The following SPIRE2 variants were observed in gnomAD, a reference collection of about 807,000 sequenced individuals.
SPIRE2 encodes the protein spire type actin nucleation factor 2, also known as protein spire homolog 2.
In SPIRE2, 76 loss-of-function variants were observed where a neutral mutation model predicts 80.7. The ratio of observed to expected loss-of-function variants is 0.94; its 90% CI spans 0.78 to 1.14. The LOEUF (loss-of-function observed/expected upper bound fraction) is 1.14. SPIRE2 is among the 50% of genes most tolerant of loss of function. SPIRE2 has a pLI of 0.00. For synonymous variants in SPIRE2, 535 were observed against 432.6 expected (o/e 1.24, Z -2.94); for missense variants, 1,196 against 1,015.3 (o/e 1.18, Z -2.42).
intron 1 of SPIRE2, among the ~76,000 whole-genome samples, chr16:89,836,621 T>C (rs757431796): frequency 2.3e-4 from 35 of 152,154 alleles, no homozygotes; most frequent in Non-Finnish European, 4.4e-4. Flanking sequence ...GAATCCGGAA[T>C]GTACATTCAC....
In SPIRE2 at chr16:89,859,195, C is replaced by G. The variant is rs557278576; in HGVS notation, c.1303C>G (p.Leu435Val). 1.3e-6 allele frequency: 2 copies of G among 1,597,032 alleles called. No homozygotes were observed. The highest frequency in any genetic ancestry group is 1.3e-5 in the African/African-American group (1 of 74,194). Reference protein sequence around the residue: ...EEESPCGEVTLKRDRSFSEHD... With the variant: ...EEESPCGEVTVKRDRSFSEHD... ...AGAGTCTCCGTGTGGGGAGGTGACG[C>G]TGAAACGGGACCGCTCCTTCTCAGA... The change falls in exon 9 of 15, where the codon CTG becomes GTG. Residue 435 changes from leucine to valine, a missense_variant. By Grantham distance (32) the Leu-to-Val change is conservative. Transcript: ENST00000378247.
At chr16:89,830,888 AC>A (rs2041373133) in intron 1 of SPIRE2, among the ~76,000 whole-genome samples, 1 of 149,176 alleles carries the variant, frequency 6.7e-6, no homozygotes, top group Non-Finnish European at 1.5e-5. Context: ...TACTCTGAAG[AC>A]TTTGTAACTG....
chr16:89,850,597 C>CGCGCTCT lies in SPIRE2; in HGVS notation c.583_589dup (p.Phe197CysfsTer135). The stretch of plus-strand genomic sequence containing the variant: ...AGGCGCATTACCAGGCCGTGTGCCG[C>CGCGCTCT]GCGCTCTTCGTGGAGACGCTGGAGC... On this transcript the variant is annotated frameshift_variant, in exon 3 of 15. Transcript: ENST00000378247. LOFTEE classifies it high-confidence loss of function. 6.6e-7 allele frequency: 1 copy of CGCGCTCT among 1,519,448 alleles called. No individual in the cohort carries two copies. The highest frequency in any genetic ancestry group is 8.8e-7 in the Non-Finnish European group (1 of 1,139,214). 94.1% of individuals were successfully genotyped at this position (1,519,448 alleles called of 1,614,324 possible). A position where few individuals can be genotyped will look rare whatever the true frequency, so the allele number is the denominator to read the frequency against.
chr16:89,840,721 C>T lies in SPIRE2; in HGVS notation c.245-4601C>T, dbSNP rs139592082. On this transcript the variant is annotated intron_variant, in intron 1 of 14. Transcript: ENST00000378247. ...CGCAATCTCGGCTCACTGCAAACTCCGCCTCCCAGGTTCACGCCATTCTCC... is the reference window on the plus strand; with the variant it reads ...CGCAATCTCGGCTCACTGCAAACTCTGCCTCCCAGGTTCACGCCATTCTCC... 4.6e-3 allele frequency among the ~76,000 whole-genome samples: 690 copies of T among 149,794 alleles called. 5 individuals are homozygous for T. The highest frequency in any genetic ancestry group is 0.016 in the African/African-American group (657 of 40,504).
chr16:89,837,429 C>T (rs373278597), intron 1 of SPIRE2, among the ~76,000 whole-genome samples: 2 of 152,276 alleles, frequency 1.3e-5, no homozygotes, highest in South Asian at 2.1e-4. Flanking sequence ...ATAGCATAGC[C>T]GCATCGTGAG....
intron 9 of SPIRE2, among the ~76,000 whole-genome samples, chr16:89,860,400 C>T (rs957795082): frequency 2.0e-5 from 3 of 152,062 alleles, no homozygotes; most frequent in African/African-American, 7.2e-5. Flanking sequence ...CTAGGACTAC[C>T]GACATGTTTC....
rs765122741 is a variant in SPIRE2 at position 89,868,259 on chromosome 16, G to A, written c.1806+43G>A. The A allele has an allele frequency of 2.3e-5, 37 of 1,606,096 alleles. 1 individual carries two copies. The East Asian group carries it at 7.8e-4, about 34-fold the overall frequency. ...TCTCTGGGGTCTGAGCAAGGCAGAT[G>A]AGGGGCTCCACTGGCTTTGATTGGA... On this transcript the variant is annotated intron_variant, in intron 13 of 14. Coordinates refer to ENST00000378247, the MANE Select transcript of SPIRE2 (RefSeq NM_032451.2).
intron 1 of SPIRE2, among the ~76,000 whole-genome samples, chr16:89,842,128 C>T (rs1236551760): frequency 2.0e-5 from 3 of 152,002 alleles, no homozygotes; most frequent in African/African-American, 7.3e-5. Flanking sequence ...CCAAGTCTCC[C>T]CCAGATAATC....
intron 2 of SPIRE2, chr16:89,850,022 G>C (rs2041606259): frequency 2.0e-6 from 1 of 512,724 alleles, no homozygotes; most frequent in East Asian, 3.8e-5. Context: ...ATTTTTAGTA[G>C]AGACGGGGTT....
intron 1 of SPIRE2, among the ~76,000 whole-genome samples, chr16:89,841,121 C>T (rs2143790667): frequency 6.6e-6 from 1 of 151,298 alleles, no homozygotes; most frequent in Admixed American, 6.6e-5. Context: ...GAAGTCATGG[C>T]TGCAGTGAGC....
At chr16:89,845,737 G>A in intron 2 of SPIRE2, 1 of 622,990 alleles carries the variant, frequency 1.6e-6, no homozygotes. Flanking sequence ...CTGGTGACCA[G>A]TGCCCCGAAA....
intron 2 of SPIRE2, 173 bp downstream of exon 2, chr16:89,845,538 A>G: frequency 2.7e-6 from 2 of 744,314 alleles, no homozygotes; most frequent in South Asian, 2.9e-5. Context: ...GTTCACAGAG[A>G]GCAGACGTGG....
rs140981626 is a variant in SPIRE2, at chr16:89,868,115, C to T, written c.1779-74C>T. The T allele has an allele frequency of 8.9e-4, 1,386 of 1,553,652 alleles. 7 individuals are homozygous for T. The African/African-American group carries it at 0.014, about 16-fold the overall frequency. On this transcript the variant is annotated intron_variant, in intron 12 of 14. Coordinates refer to ENST00000378247, the MANE Select transcript of SPIRE2 (RefSeq NM_032451.2). ...GGTTTGACCTCGGATGCGTGGAGGC[C>T]GGGATGCGACTGTTTCTCAGCTGTT...
chr16:89,844,131 G>A (rs984636511), intron 1 of SPIRE2, among the ~76,000 whole-genome samples: 1 of 151,332 alleles, frequency 6.6e-6, no homozygotes, highest in Non-Finnish European at 1.5e-5. Flanking sequence ...ACAGGCACCT[G>A]CCACCACGCC....
At chr16:89,852,105 C>G (rs2041634750) in intron 3 of SPIRE2, among the ~76,000 whole-genome samples, 1 of 91,562 alleles carries the variant, frequency 1.1e-5, no homozygotes, top group Non-Finnish European at 2.2e-5. Context: ...CCCCCACCCA[C>G]CAGATCCCAT....
intron 7 of SPIRE2, 45 bp from the exon 8 acceptor site, chr16:89,858,293 C>A: frequency 6.6e-7 from 1 of 1,513,866 alleles, no homozygotes. Flanking sequence ...TGCCTGCTGT[C>A]TCCCCGTTCA....
chr16:89,869,053 A>ATATATATATATATATATATATATATAT (rs1555601128), intron 13 of SPIRE2, among the ~76,000 whole-genome samples: 1 of 24,036 alleles, frequency 4.2e-5, no homozygotes, highest in Non-Finnish European at 7.5e-5. Flanking sequence ...AAAAAAAAAA[A>ATATATATATATATATATATATATATAT]ATATATATAT....
At chr16:89,837,491 T>G (rs1214764140) in intron 1 of SPIRE2, among the ~76,000 whole-genome samples, 1 of 152,180 alleles carries the variant, frequency 6.6e-6, no homozygotes, top group Non-Finnish European at 1.5e-5. Context: ...CCTTCTCAGG[T>G]AGGATCTGAC....
At chr16:89,856,462 T>C (rs1025212747) in intron 7 of SPIRE2, among the ~76,000 whole-genome samples, 3 of 151,958 alleles carry the variant, frequency 2.0e-5, no homozygotes, top group African/African-American at 7.2e-5. Flanking sequence ...TATATTTGTT[T>C]GAGATGGAGT....
Sources: allele counts gnomAD v4.1 joint callset (sites outside exome capture counted in the v4.1 genomes callset), GRCh38; gene constraint gnomAD v4.1.1; transcripts MANE v1.5; gene names NCBI Gene and HGNC (gene_info 2026-07-23, HGNC 2026-07-21).